TSHZ2: variants seen among roughly 807,000 people sequenced by gnomAD.
TSHZ2 encodes teashirt zinc finger homeobox 2.
A neutral mutation model predicts 74.4 loss-of-function variants in TSHZ2; 21 were observed. The ratio of observed to expected loss-of-function variants is 0.28; its 90% CI spans 0.20 to 0.41. The LOEUF is 0.41. TSHZ2 is among the 10% of genes least tolerant of loss of function. The pLI is 1.00. For missense variants in TSHZ2, 1,244 were observed against 1,293.5 expected (o/e 0.96, Z 0.59); for synonymous variants, 540 against 515.3 (o/e 1.05, Z -0.65).
chr20:53,042,393 CTG>C lies in TSHZ2; in HGVS notation c.40+69063_40+69064del, dbSNP rs773577686. Among the ~76,000 whole-genome samples, 350 of 152,258 alleles carry C rather than the reference CTG, an allele frequency of 2.3e-3. 1 individual carries two copies. Among genetic ancestry groups the C allele is most frequent in the African/African-American group, 8.0e-3 (331 of 41,560 alleles). ...CTACTCCCTTGATTTTTATTATTAA[CTG>C]TGAGAAATCACTTCAGTGTGCTAGG... On this transcript the variant is annotated intron_variant, in intron 1 of 2. Coordinates refer to ENST00000371497, the MANE Select transcript of TSHZ2 (RefSeq NM_173485.6).
At chr20:53,127,592 C>T (rs1005182) in intron 1 of TSHZ2, among the ~76,000 whole-genome samples, 29,431 of 152,066 alleles carry the variant, frequency 0.19, 3,419 homozygotes, top group Non-Finnish European at 0.26. Context: ...AGGATGGTGG[C>T]CCTGAAGCTG....
chr20:53,076,735 C>A (rs573929559), intron 1 of TSHZ2, among the ~76,000 whole-genome samples: 2 of 152,254 alleles, frequency 1.3e-5, no homozygotes, highest in South Asian at 4.1e-4. Context: ...CAACATGAGG[C>A]AGGAAGATGT....
chr20:52,984,906 T>C (rs73284136), intron 1 of TSHZ2, among the ~76,000 whole-genome samples: 3,187 of 152,300 alleles, frequency 0.021, 139 homozygotes, highest in African/African-American at 0.072. Flanking sequence ...TCAGACTAGG[T>C]TAGCCATGAA....
chr20:53,354,050 G>A (rs564391868), intron 2 of TSHZ2, among the ~76,000 whole-genome samples: 18 of 152,312 alleles, frequency 1.2e-4, no homozygotes, highest in African/African-American at 3.4e-4. Context: ...GTGTAATGCC[G>A]TCGTAGGCAC....
intron 2 of TSHZ2, among the ~76,000 whole-genome samples, chr20:53,393,653 A>C (rs1011175048): frequency 3.8e-5 from 5 of 133,318 alleles, no homozygotes; most frequent in African/African-American, 8.9e-5. Context: ...GTTGCATAGA[A>C]CTACACACGC....
chr20:53,436,638 C>G (rs1028817279), intron 2 of TSHZ2, among the ~76,000 whole-genome samples: 2 of 150,604 alleles, frequency 1.3e-5, no homozygotes, highest in East Asian at 3.9e-4. Context: ...CTCCGCCTCC[C>G]GGGTTCAAGC....
chr20:53,225,409 T>C (rs1008780267), intron 1 of TSHZ2, among the ~76,000 whole-genome samples: 1 of 152,180 alleles, frequency 6.6e-6, no homozygotes, highest in Non-Finnish European at 1.5e-5. Context: ...TATTGAGTGA[T>C]TGATTGATTG....
rs1199257219 is a variant in TSHZ2, at chr20:53,489,451, T to C, written c.*2316T>C. The C allele has an allele frequency of 6.3e-6, 2 of 316,216 alleles. No homozygotes were observed. The highest frequency in any genetic ancestry group is 4.3e-5 in the African/African-American group (2 of 46,176). The allele number at this position is 316,216 out of a possible 1,614,324, so 19.6% of individuals were successfully genotyped here. On this transcript the variant is annotated 3_prime_UTR_variant, in exon 3 of 3. Coordinates refer to ENST00000371497, the MANE Select transcript of TSHZ2 (RefSeq NM_173485.6). ...GGGTTCTCGTAGCTGTTAAAAATTG[T>C]CTGCTCCAATCCAGGGTTATTAGGC...
chr20:53,118,477 T>C (rs1293429), intron 1 of TSHZ2, among the ~76,000 whole-genome samples: 115,000 of 151,984 alleles, frequency 0.76, 43,934 homozygotes, highest in East Asian at 1. Flanking sequence ...AGGAGAAAGA[T>C]GAGTGGAGGG....
intron 2 of TSHZ2, among the ~76,000 whole-genome samples, chr20:53,374,923 GA>G (rs11475187): frequency 0.35 from 43,334 of 123,348 alleles, 7,329 homozygotes; most frequent in East Asian, 0.5. Context: ...CTGTTGATAT[GA>G]AAAAAAAAAA....
chr20:53,389,792 A>G (rs1371308995), intron 2 of TSHZ2, among the ~76,000 whole-genome samples: 1 of 152,234 alleles, frequency 6.6e-6, no homozygotes, highest in Non-Finnish European at 1.5e-5. Flanking sequence ...TGCTACTGGC[A>G]TCTAGTGAGT....
intron 1 of TSHZ2, chr20:53,185,312 T>C (rs997333226): frequency 6.8e-5 from 73 of 1,069,000 alleles, no homozygotes; most frequent in Non-Finnish European, 8.2e-5. Flanking sequence ...ACCCGACATG[T>C]AGGCTCTATT....
intron 1 of TSHZ2, among the ~76,000 whole-genome samples, chr20:53,190,015 G>T (rs1988689067): frequency 1.4e-5 from 2 of 140,708 alleles, no homozygotes; most frequent in Admixed American, 1.5e-4. Flanking sequence ...GCCAGGGCAG[G>T]TTGAGGTTGC....
rs1435451855 is a variant in TSHZ2, at chr20:53,208,269, T to C, written c.41-45230T>C. ...TCTTTTCTCTTCACAAACCCACTGG[T>C]GGCGCTAGTGAGCAGGGATCACACA... On this transcript the variant is annotated intron_variant, in intron 1 of 2. Coordinates refer to ENST00000371497, the MANE Select transcript of TSHZ2 (RefSeq NM_173485.6). Among the ~76,000 whole-genome samples the C allele has an allele frequency of 1.1e-4, 17 of 152,176 alleles. No homozygotes were observed. In the East Asian group the frequency reaches 3.3e-3, roughly 29 times the overall value.
At chr20:53,404,005 A>C (rs989446287) in intron 2 of TSHZ2, among the ~76,000 whole-genome samples, 3 of 152,230 alleles carry the variant, frequency 2.0e-5, no homozygotes, top group African/African-American at 7.2e-5. Context: ...CATGCATTTT[A>C]TTTCATCATT....
chr20:53,035,573 T>C (rs796168602), intron 1 of TSHZ2, among the ~76,000 whole-genome samples: 9 of 152,300 alleles, frequency 5.9e-5, no homozygotes, highest in African/African-American at 2.2e-4. Flanking sequence ...TAAAATATTA[T>C]TTCCCCGTAG....
At chr20:53,422,950 T>C (rs552567701) in intron 2 of TSHZ2, among the ~76,000 whole-genome samples, 5 of 152,182 alleles carry the variant, frequency 3.3e-5, no homozygotes, top group Non-Finnish European at 7.3e-5. Context: ...ATTAAGGGCA[T>C]TACCTACTTA....
intron 2 of TSHZ2, among the ~76,000 whole-genome samples, chr20:53,289,276 G>A (rs1224686322): frequency 9.9e-5 from 15 of 152,214 alleles, no homozygotes; most frequent in Admixed American, 7.2e-4. Context: ...CTATAAACAC[G>A]CATGTGCAAG....
chr20:53,380,832 T>C (rs1981830314), intron 2 of TSHZ2, among the ~76,000 whole-genome samples: 1 of 152,222 alleles, frequency 6.6e-6, no homozygotes, highest in South Asian at 2.1e-4. Flanking sequence ...ATCTCATTTT[T>C]AAAATAATAA....
Sources: gnomAD v4.1 joint callset for allele counts (sites outside exome capture counted in the v4.1 genomes callset) on GRCh38, gnomAD v4.1.1 for gene constraint, MANE v1.5 for transcripts, NCBI Gene and HGNC (gene_info 2026-07-23, HGNC 2026-07-21) for gene names.